Variants in CDH18 observed in about 807,000 individuals in gnomAD.
CDH18 encodes the protein cadherin 18.
CDH18 carries 31 observed loss-of-function variants against 67.9 expected under a neutral mutation model. The observed-to-expected ratio is 0.46, with a 90% CI of 0.34 to 0.62. The LOEUF (loss-of-function observed/expected upper bound fraction) is 0.62. CDH18 is among the 20% of genes least tolerant of loss of function. The pLI is 0.01. For synonymous variants in CDH18, 362 were observed against 347.2 expected (o/e 1.04, Z -0.48); for missense variants, 890 against 975.5 (o/e 0.91, Z 1.17).
intron 2 of CDH18, among the ~76,000 whole-genome samples, chr5:19,901,893 T>TA (rs1454457693): frequency 6.6e-6 from 1 of 151,556 alleles, no homozygotes; most frequent in African/African-American, 2.4e-5. Context: ...ACTAAATAAA[T>TA]AATAATAGAA....
intron 2 of CDH18, among the ~76,000 whole-genome samples, chr5:19,993,269 C>T (rs964865165): frequency 2.6e-5 from 4 of 151,976 alleles, no homozygotes; most frequent in African/African-American, 9.7e-5. Flanking sequence ...TTAGATATTT[C>T]TACAGACAAT....
At chr5:20,499,588 A>G (rs1281593781) in intron 1 of CDH18, among the ~76,000 whole-genome samples, 2 of 152,070 alleles carry the variant, frequency 1.3e-5, no homozygotes, top group African/African-American at 4.8e-5. Flanking sequence ...AACTCTAAAA[A>G]TATTGTGCCT....
chr5:19,771,211 T>A (rs1773689617), intron 3 of CDH18, among the ~76,000 whole-genome samples: 1 of 152,192 alleles, frequency 6.6e-6, no homozygotes, highest in African/African-American at 2.4e-5. Context: ...TAATGTCGTC[T>A]TTTTGAGTTT....
intron 3 of CDH18, among the ~76,000 whole-genome samples, chr5:19,776,185 G>C (rs1774348095): frequency 1.3e-5 from 2 of 152,194 alleles, no homozygotes; most frequent in South Asian, 4.2e-4. Flanking sequence ...CAGCAGATTT[G>C]ACACAATAAA....
chr5:20,419,665 G>A (rs1168945090), intron 1 of CDH18, among the ~76,000 whole-genome samples: 2 of 150,198 alleles, frequency 1.3e-5, no homozygotes, highest in Middle Eastern at 6.8e-3. Context: ...TTTTGGTAGA[G>A]ACGGGGTTTC....
chr5:19,638,081 G>A (rs540118441), intron 5 of CDH18, among the ~76,000 whole-genome samples: 4 of 152,190 alleles, frequency 2.6e-5, no homozygotes, highest in Non-Finnish European at 2.9e-5. Context: ...TGTTTCGTTT[G>A]TTAACAAAAC....
intron 4 of CDH18, among the ~76,000 whole-genome samples, chr5:19,731,302 T>A (rs766623143): frequency 2.6e-5 from 4 of 151,910 alleles, no homozygotes; most frequent in Non-Finnish European, 4.4e-5. Context: ...ACAAAAAAAA[T>A]TAGCCAGGTG....
chr5:20,522,340 A>C, intron 1 of CDH18, among the ~76,000 whole-genome samples: 1 of 152,222 alleles, frequency 6.6e-6, no homozygotes, highest in East Asian at 1.9e-4. Context: ...TGACACAAAT[A>C]ACCATGTCTC....
chr5:20,177,091 T>C (rs1737293251), intron 2 of CDH18, among the ~76,000 whole-genome samples: 1 of 152,132 alleles, frequency 6.6e-6, no homozygotes, highest in Non-Finnish European at 1.5e-5. Flanking sequence ...CATTTATAAA[T>C]TTTTTAAAGA....
At chr5:20,565,056 A>G (rs1012174424) in intron 1 of CDH18, among the ~76,000 whole-genome samples, 1 of 152,180 alleles carries the variant, frequency 6.6e-6, no homozygotes, top group African/African-American at 2.4e-5. Context: ...TCTTTCATGT[A>G]TGATCACCCT....
rs191553665 is a variant in CDH18, at chr5:20,210,889, A to G, written c.-518+44555T>C. On this transcript the variant is annotated intron_variant, in intron 2 of 14. Coordinates refer to the CDH18 transcript ENST00000507958. The stretch of plus-strand genomic sequence containing the variant: ...GCTGAGTAATGACTACTACATTTTT[A>G]TTGTAAACCATATTTATTGATATAT... Among the ~76,000 whole-genome samples, 17 of 152,156 alleles carry G rather than the reference A, an allele frequency of 1.1e-4. No homozygotes were observed. In the East Asian group the frequency reaches 3.3e-3, roughly 29 times the overall value.
At chr5:19,914,782 T>C (rs1791568925) in intron 2 of CDH18, among the ~76,000 whole-genome samples, 1 of 151,968 alleles carries the variant, frequency 6.6e-6, no homozygotes, top group South Asian at 2.1e-4. Flanking sequence ...GGAAACAAAA[T>C]GAAACATCAA....
intron 2 of CDH18, among the ~76,000 whole-genome samples, chr5:20,218,041 G>C (rs1311613703): frequency 6.6e-6 from 1 of 151,820 alleles, no homozygotes; most frequent in Non-Finnish European, 1.5e-5. Flanking sequence ...TTGTTAAAGA[G>C]AGAGATAAAC....
At chr5:20,272,809 GA>G (rs1406459438) in intron 1 of CDH18, among the ~76,000 whole-genome samples, 3 of 151,746 alleles carry the variant, frequency 2.0e-5, no homozygotes, top group Admixed American at 2.0e-4. Flanking sequence ...TAATTTTGAG[GA>G]TGCAACCACT....
At chr5:20,212,037 A>G (rs2126386735) in intron 2 of CDH18, among the ~76,000 whole-genome samples, 1 of 152,282 alleles carries the variant, frequency 6.6e-6, no homozygotes, top group African/African-American at 2.4e-5. Context: ...ACCTTGGAAA[A>G]AGATTAGATG....
intron 1 of CDH18, among the ~76,000 whole-genome samples, chr5:20,437,538 G>A (rs1749261326): frequency 6.6e-6 from 1 of 150,912 alleles, no homozygotes; most frequent in Non-Finnish European, 1.5e-5. Flanking sequence ...TTTTTTATGA[G>A]TAGTCTCTTG....
chr5:20,368,868 G>A (rs569352034), intron 1 of CDH18, among the ~76,000 whole-genome samples: 1 of 152,158 alleles, frequency 6.6e-6, no homozygotes, highest in Admixed American at 6.5e-5. Flanking sequence ...TCAAGCAATA[G>A]GTAGAGCCTC....
intron 1 of CDH18, among the ~76,000 whole-genome samples, chr5:20,443,955 G>A (rs1260611986): frequency 1.3e-5 from 2 of 151,814 alleles, no homozygotes; most frequent in African/African-American, 4.9e-5. Context: ...ATACACTTGG[G>A]GAATGGAGGT....
At chr5:19,789,894 A>T (rs2149809770) in intron 3 of CDH18, among the ~76,000 whole-genome samples, 1 of 152,068 alleles carries the variant, frequency 6.6e-6, no homozygotes, top group East Asian at 1.9e-4. Flanking sequence ...ACAGGTGTAT[A>T]TATTGTATAC....
Sources: gnomAD v4.1 joint callset for allele counts (sites outside exome capture counted in the v4.1 genomes callset) on GRCh38, gnomAD v4.1.1 for gene constraint, MANE v1.5 for transcripts, NCBI Gene and HGNC (gene_info 2026-07-23, HGNC 2026-07-21) for gene names.